GOLGA5: variants seen among roughly 807,000 people sequenced by gnomAD.
The protein encoded by GOLGA5 is golgin subfamily A member 5.
A neutral mutation model predicts 93.5 loss-of-function variants in GOLGA5; 50 were observed. The observed-to-expected ratio is 0.53, with a 90% CI of 0.43 to 0.68. The LOEUF is 0.68. Ranked by LOEUF, GOLGA5 falls within the 30% of genes least tolerant of loss-of-function variation. GOLGA5 has a pLI of 0.00. For missense variants in GOLGA5, 760 were observed against 856.4 expected (o/e 0.89, Z 1.40); for synonymous variants, 312 against 304.5 (o/e 1.02, Z -0.26).
chr14:92,816,527 T>G (rs77441034), intron 7 of GOLGA5, 106 bp downstream of exon 7: 86 of 691,082 alleles, frequency 1.2e-4, no homozygotes, highest in African/African-American at 6.5e-4. Flanking sequence ...TTCTCGCTTC[T>G]CTTCGCTTCG....
chr14:92,814,595 T>G (rs778154026), intron 6 of GOLGA5, among the ~76,000 whole-genome samples: 1 of 152,102 alleles, frequency 6.6e-6, no homozygotes, highest in Non-Finnish European at 1.5e-5. Flanking sequence ...ATGTTATAAA[T>G]GATCATGTTT....
At chr14:92,809,587 T>G (rs777409434) in intron 4 of GOLGA5, 68 bp downstream of exon 4, 1 of 929,286 alleles carries the variant, frequency 1.1e-6, no homozygotes, top group Non-Finnish European at 1.7e-6. Context: ...TATCCACTTA[T>G]GAAACTTAGC....
chr14:92,824,793 A>C, intron 9 of GOLGA5, 149 bp downstream of exon 9: 1 of 584,440 alleles, frequency 1.7e-6, no homozygotes, highest in Non-Finnish European at 3.1e-6. Flanking sequence ...TGGTATAGAA[A>C]ATTCATCTAA....
At chr14:92,838,180 C>T (rs565044833) in intron 12 of GOLGA5, among the ~76,000 whole-genome samples, 8 of 152,068 alleles carry the variant, frequency 5.3e-5, no homozygotes, top group Non-Finnish European at 1.2e-4. Context: ...AAAATGGTTA[C>T]GGTAGTTTGG....
chr14:92,823,336 G>A (rs1885352223), intron 8 of GOLGA5, among the ~76,000 whole-genome samples: 1 of 151,280 alleles, frequency 6.6e-6, no homozygotes, highest in African/African-American at 2.4e-5. Flanking sequence ...GTACCACATT[G>A]CTTTTAATTT....
intron 4 of GOLGA5, among the ~76,000 whole-genome samples, chr14:92,809,952 C>T (rs1885070701): frequency 6.6e-6 from 1 of 152,162 alleles, no homozygotes; most frequent in African/African-American, 2.4e-5. Flanking sequence ...GAGCGAAACT[C>T]CATCTCAACA....
intron 6 of GOLGA5, among the ~76,000 whole-genome samples, chr14:92,813,962 C>T (rs8011942): frequency 0.81 from 122,542 of 151,826 alleles, 49,992 homozygotes; most frequent in African/African-American, 0.91. Flanking sequence ...AAATGGAATC[C>T]AGGATGACTC....
At chr14:92,833,466 T>A (rs1181767223) in intron 10 of GOLGA5, 119 bp downstream of exon 10, 1 of 713,916 alleles carries the variant, frequency 1.4e-6, no homozygotes, top group Non-Finnish European at 2.4e-6. Context: ...TTTTCTGATA[T>A]GAGACCTGGG....
Position 92,810,370 on chromosome 14 carries a change from A to C in GOLGA5, c.1109A>C (p.Gln370Pro), listed in dbSNP as rs1221853733. Reference sequence around the variant, plus strand: ...AAGAGAGAGCAGGAGAGCTATAAACAGATGCAGGTTAGAATGAGAGACAGC... The same window carrying C: ...AAGAGAGAGCAGGAGAGCTATAAACCGATGCAGGTTAGAATGAGAGACAGC... ...TLKREQESYK[Q>P]MQSEFAARLN... Residue 370 changes from glutamine (Q) to proline (P), a missense_variant, in exon 5 of 13, where the codon CAG becomes CCG. By Grantham distance (76) the Gln-to-Pro change is moderately conservative. Coordinates refer to ENST00000163416, the MANE Select transcript of GOLGA5 (RefSeq NM_005113.4). 1 of 1,577,488 alleles carries C rather than the reference A, an allele frequency of 6.3e-7. No homozygotes were observed. The highest frequency in any genetic ancestry group is 8.6e-7 in the Non-Finnish European group (1 of 1,165,796).
intron 2 of GOLGA5, among the ~76,000 whole-genome samples, chr14:92,799,730 CG>C (rs1415314216): frequency 1.3e-5 from 2 of 152,108 alleles, no homozygotes; most frequent in Admixed American, 6.6e-5. Context: ...TTCAGCCTCC[CG>C]AGTAGCTGGG....
At chr14:92,828,908 A>G (rs867852391) in intron 9 of GOLGA5, among the ~76,000 whole-genome samples, 6 of 152,124 alleles carry the variant, frequency 3.9e-5, no homozygotes, top group Admixed American at 2.0e-4. Flanking sequence ...GCCTCAACCA[A>G]TCCACCTGCG....
At chr14:92,834,212 ATTATTATACTTT>A (rs1430802452) in intron 10 of GOLGA5, among the ~76,000 whole-genome samples, 7 of 110,866 alleles carry the variant, frequency 6.3e-5, no homozygotes, top group Non-Finnish European at 1.4e-4. Context: ...TTTTTTTATT[ATTATTATACTTT>A]AAGTTTTAGG....
At position 92,811,655 on chromosome 14, in the gene GOLGA5, T is replaced by G. The variant is rs1358543095; in HGVS notation, c.1221T>G (p.Val407=). ...ERKYSDEKKR[V]DELQQQVKLY... ...AATACTCAGATGAGAAGAAGAGGGT[T>G]GATGAACTGCAGCAGCAAGTCAAGC... The change falls in exon 6 of 13, where the codon GTT becomes GTG. Residue 407 remains valine (V), a synonymous_variant. Coordinates refer to ENST00000163416, the MANE Select transcript of GOLGA5 (RefSeq NM_005113.4). The G allele has an allele frequency of 3.7e-6, 6 of 1,612,450 alleles. No homozygotes were observed. In the African/African-American group the frequency reaches 4.0e-5, roughly 11 times the overall value.
At chr14:92,796,288 G>T (rs569431020) in intron 1 of GOLGA5, among the ~76,000 whole-genome samples, 107 of 152,192 alleles carry the variant, frequency 7.0e-4, no homozygotes, top group Non-Finnish European at 1.3e-3. Context: ...TTTGCTGTTT[G>T]GATGTTGTTT....
Position 92,835,599 on chromosome 14 carries a change from A to G in GOLGA5, c.1986A>G (p.Thr662=). 1 of 1,613,698 alleles carries G rather than the reference A, an allele frequency of 6.2e-7. No individual in the cohort carries two copies. The highest frequency in any genetic ancestry group is 8.5e-7 in the Non-Finnish European group (1 of 1,179,648). Residue 662 remains threonine (T), a synonymous_variant, in exon 11 of 13, where the codon ACA becomes ACG. Coordinates refer to ENST00000163416, the MANE Select transcript of GOLGA5 (RefSeq NM_005113.4). The part of the protein sequence containing the change: ...LRNVPVLFND[T]ETNLAGMYGK... ...ATGTTCCTGTTCTTTTTAATGACAC[A>G]GAAACTAATCTGGCAGGAATGTACG...
chr14:92,795,973 T>A (rs927332394), intron 1 of GOLGA5, among the ~76,000 whole-genome samples: 1 of 152,254 alleles, frequency 6.6e-6, no homozygotes, highest in Non-Finnish European at 1.5e-5. Context: ...TCATCATTAC[T>A]TTGATGTATT....
At chr14:92,798,679 G>A (rs1324419799) in intron 2 of GOLGA5, among the ~76,000 whole-genome samples, 1 of 152,196 alleles carries the variant, frequency 6.6e-6, no homozygotes. Flanking sequence ...ACTTTGGAAC[G>A]CTGAGGCAGG....
In GOLGA5 at chr14:92,817,088, G is replaced by A. The variant is rs931019641; in HGVS notation, c.1491+667G>A. 4.6e-5 allele frequency among the ~76,000 whole-genome samples: 7 copies of A among 151,976 alleles called. No individual in the cohort carries two copies. In the East Asian group the frequency reaches 1.4e-3, roughly 29 times the overall value. On this transcript the variant is annotated intron_variant, in intron 7 of 12. Coordinates refer to ENST00000163416, the MANE Select transcript of GOLGA5 (RefSeq NM_005113.4). ...CTTGAGTAGCTGGGATTACAGACGT[G>A]CGCCACCACACCTGGCTAATTTTTG...
At chr14:92,823,679 T>G (rs755750538) in intron 8 of GOLGA5, among the ~76,000 whole-genome samples, 1 of 152,152 alleles carries the variant, frequency 6.6e-6, no homozygotes, top group East Asian at 1.9e-4. Context: ...CCTCCCCAAG[T>G]GCTAGAATTA....
Sources: gnomAD v4.1 joint callset for allele counts (sites outside exome capture counted in the v4.1 genomes callset) on GRCh38, gnomAD v4.1.1 for gene constraint, MANE v1.5 for transcripts, NCBI Gene and HGNC (gene_info 2026-07-23, HGNC 2026-07-21) for gene names.